The following AP4S1 variants were observed in gnomAD, a reference collection of about 807,000 sequenced individuals.
AP4S1 encodes the protein adaptor related protein complex 4 subunit sigma 1.
Under a neutral mutation model 19.8 loss-of-function variants are expected in AP4S1, and 23 were observed. The ratio of observed to expected loss-of-function variants is 1.16; its 90% CI spans 0.84 to 1.65. AP4S1 has a LOEUF of 1.65. AP4S1 is among the 40% of genes most tolerant of loss of function. AP4S1 has a pLI of 0.00. For synonymous variants in AP4S1, 46 were observed against 54.1 expected (o/e 0.85, Z 0.66); for missense variants, 166 against 172.8 (o/e 0.96, Z 0.22).
intron 4 of AP4S1, among the ~76,000 whole-genome samples, chr14:31,074,364 T>TAAATAAATAAAG (rs869200403): frequency 1.6e-4 from 12 of 73,260 alleles, no homozygotes; most frequent in African/African-American, 4.4e-4. Context: ...AATAAATAAA[T>TAAATAAATAAAG]AAAGTAAGCT....
Position 31,072,977 on chromosome 14 carries a change from AGTC to A in AP4S1, c.294+5_294+7del. ...AGATGAGTATTTCAGCCGAGTGGTA[AGTC>A]TAATGGCTAAAAAATGGTTTACTTC... On this transcript the variant is annotated splice_donor_5th_base_variant and intron_variant, in intron 4 of 5. Transcript: ENST00000542754. 6.2e-7 allele frequency: 1 copy of A among 1,612,930 alleles called. No homozygotes were observed. The highest frequency in any genetic ancestry group is 8.5e-7 in the Non-Finnish European group (1 of 1,178,918).
intron 4 of AP4S1, among the ~76,000 whole-genome samples, chr14:31,077,582 T>C (rs1213848834): frequency 6.6e-6 from 1 of 152,156 alleles, no homozygotes; most frequent in Non-Finnish European, 1.5e-5. Context: ...CCCAGACCAT[T>C]GCATCAGAAG....
chr14:31,025,897 G>A (rs1244172707), intron 1 of AP4S1, 110 bp downstream of exon 1: 8 of 1,598,674 alleles, frequency 5.0e-6, no homozygotes, highest in Non-Finnish European at 6.8e-6. Flanking sequence ...CGACCCCAAC[G>A]AGGTACCTGC....
At chr14:31,085,189 T>C (rs1887866381) in intron 5 of AP4S1, 1 of 1,144,062 alleles carries the variant, frequency 8.7e-7, no homozygotes, top group South Asian at 2.6e-5. Flanking sequence ...CCTCACTATC[T>C]ACTGCTTGAC....
chr14:31,043,267 T>A (rs1885213866), intron 1 of AP4S1, among the ~76,000 whole-genome samples: 1 of 151,652 alleles, frequency 6.6e-6, no homozygotes, highest in South Asian at 2.1e-4. Context: ...GTATGTTTAA[T>A]GCCAAATTAA....
rs558829877 is a variant in AP4S1 at position 31,088,407 on chromosome 14, T to G, written c.307-4500T>G. Among the ~76,000 whole-genome samples, 5 of 152,274 alleles carry G rather than the reference T, an allele frequency of 3.3e-5. No individual in the cohort carries two copies. In the East Asian group the frequency reaches 9.7e-4, roughly 29 times the overall value. ...ACAGGCTCGTTGACCCACCTCTGAC[T>G]TTCATATTTAATTTTGCATAAGCCT... On this transcript the variant is annotated intron_variant, in intron 5 of 5. Transcript: ENST00000542754.
At chr14:31,039,572 G>GTTT (rs1398903989) in intron 1 of AP4S1, among the ~76,000 whole-genome samples, 11 of 115,814 alleles carry the variant, frequency 9.5e-5, no homozygotes, top group East Asian at 2.3e-4. Context: ...GTGTAGTTTT[G>GTTT]TTTTTTTTTT....
intron 1 of AP4S1, among the ~76,000 whole-genome samples, chr14:31,033,331 A>G (rs1267354071): frequency 6.6e-6 from 1 of 151,932 alleles, no homozygotes; most frequent in Non-Finnish European, 1.5e-5. Flanking sequence ...CTCCTGCCTC[A>G]ACTTCCTGAG....
Position 31,095,574 on chromosome 14 carries a change from C to T in AP4S1, c.*2539C>T, listed in dbSNP as rs1375496839. ...TGGGACCACAGGTGCGCACCCCCTC[C>T]ACCCAGCTAATTTTTGTATTTTGTT... On this transcript the variant is annotated 3_prime_UTR_variant, in exon 6 of 6. Coordinates refer to ENST00000542754, the MANE Select transcript of AP4S1 (RefSeq NM_001128126.3). 4 of 152,126 alleles carry T rather than the reference C, an allele frequency of 2.6e-5. No individual in the cohort carries two copies. The highest frequency in any genetic ancestry group is 4.4e-5 in the Non-Finnish European group (3 of 68,064). The allele number at this position is 152,126 out of a possible 1,614,324, so 9.4% of individuals were successfully genotyped here.
intron 1 of AP4S1, among the ~76,000 whole-genome samples, chr14:31,049,485 A>G (rs948654361): frequency 7.1e-6 from 1 of 140,280 alleles, no homozygotes; most frequent in African/African-American, 2.6e-5. Context: ...ACACACACAC[A>G]CACACACACA....
intron 5 of AP4S1, among the ~76,000 whole-genome samples, chr14:31,090,462 T>C (rs1049424178): frequency 6.6e-5 from 10 of 152,234 alleles, no homozygotes; most frequent in African/African-American, 2.4e-4. Context: ...TTCTAGCTCA[T>C]GTCAGCTCAA....
intron 1 of AP4S1, among the ~76,000 whole-genome samples, chr14:31,050,072 C>A (rs1885697300): frequency 6.6e-6 from 1 of 152,154 alleles, no homozygotes; most frequent in Admixed American, 6.5e-5. Context: ...CAGGCATGCG[C>A]CACCACACCC....
At chr14:31,033,806 A>G (rs992154309) in intron 1 of AP4S1, among the ~76,000 whole-genome samples, 1 of 152,226 alleles carries the variant, frequency 6.6e-6, no homozygotes, top group Non-Finnish European at 1.5e-5. Context: ...ATTACAGAAA[A>G]TAGATACCAA....
rs142216642 is a variant in AP4S1, at chr14:31,066,321, G to A, written c.125G>A (p.Arg42Gln). ...GAAGTCATAAAGAGCTGTCTCTCTC[G>A]ATCCAATGAACAAGTAAGTCTCTGG... ...ETEVIKSCLS[R>Q]SNEQCSFIEY... is the part of the protein sequence containing the mutation. The change falls in exon 2 of 6, where the codon CGA becomes CAA. Residue 42 changes from arginine to glutamine, a missense_variant. Arg to Gln is a conservative substitution (Grantham distance 43). Transcript: ENST00000542754. 9 of 1,613,792 alleles carry A rather than the reference G, an allele frequency of 5.6e-6. No individual in the cohort carries two copies. The highest frequency in any genetic ancestry group is 4.0e-5 in the African/African-American group (3 of 74,886).
At chr14:31,061,883 G>A (rs1231088425) in intron 1 of AP4S1, among the ~76,000 whole-genome samples, 9 of 151,808 alleles carry the variant, frequency 5.9e-5, no homozygotes, top group Non-Finnish European at 1.2e-4. Context: ...CTCATGATCC[G>A]CCCGCCTCGG....
chr14:31,083,768 C>T (rs1887785857), intron 5 of AP4S1: 3 of 333,488 alleles, frequency 9.0e-6, no homozygotes, highest in Non-Finnish European at 1.8e-5. Flanking sequence ...CCTTGGCCTC[C>T]CAAAGTGTTG....
At position 31,093,195 on chromosome 14, in the gene AP4S1, G is replaced by A; in HGVS notation, c.*160G>A. The A allele has an allele frequency of 6.1e-6, 4 of 660,910 alleles. No individual in the cohort carries two copies. Among genetic ancestry groups the A allele is most frequent in the Non-Finnish European group, 7.0e-6 (3 of 430,566 alleles). The allele number at this position is 660,910 out of a possible 1,614,324, so 40.9% of individuals were successfully genotyped here. A position where few individuals can be genotyped will look rare whatever the true frequency, so the allele number is the denominator to read the frequency against. On this transcript the variant is annotated 3_prime_UTR_variant, in exon 6 of 6. Transcript: ENST00000542754. Reference sequence around the variant, plus strand: ...AGGCATTTTCCACAGTTCCTAAAAAGAAAACACAACTGTACTTTAAAATAT... The same window carrying A: ...AGGCATTTTCCACAGTTCCTAAAAAAAAAACACAACTGTACTTTAAAATAT...
Position 31,082,663 on chromosome 14 carries a change from G to A in AP4S1, c.306+2079G>A, listed in dbSNP as rs1037929314. 2.6e-5 allele frequency among the ~76,000 whole-genome samples: 4 copies of A among 152,264 alleles called. No individual in the cohort carries two copies. The South Asian group carries it at 6.2e-4, about 24-fold the overall frequency. On this transcript the variant is annotated intron_variant, in intron 5 of 5. Transcript: ENST00000542754. ...TGTAATCCCAGCACTTTGGGAGGCC[G>A]AGGCGGGTGGATCATGAGGTCAGGA...
chr14:31,049,658 ATTTG>A (rs1300366528), intron 1 of AP4S1, among the ~76,000 whole-genome samples: 1 of 151,430 alleles, frequency 6.6e-6, no homozygotes, highest in Admixed American at 6.6e-5. Context: ...ATTTTTATTT[ATTTG>A]TTTGTTTATT....
Sources: allele counts gnomAD v4.1 joint callset (sites outside exome capture counted in the v4.1 genomes callset), GRCh38; gene constraint gnomAD v4.1.1; transcripts MANE v1.5; gene names NCBI Gene and HGNC (gene_info 2026-07-23, HGNC 2026-07-21).